Variants in IL17RB observed in about 807,000 individuals in gnomAD.
The protein encoded by IL17RB is interleukin-17 receptor B.
IL17RB carries 36 observed loss-of-function variants against 43.9 expected under a neutral mutation model. That is an observed-to-expected ratio of 0.82 (90% CI 0.63 to 1.08). The LOEUF is 1.08. IL17RB is among the 50% of genes least tolerant of loss of function. The probability of loss-of-function intolerance (pLI) is 0.00; values close to 1 mark genes in which losing one functional copy is unlikely to be tolerated. For missense variants in IL17RB, 613 were observed against 613.6 expected (o/e 1.00, Z 0.01); for synonymous variants, 225 against 225.4 (o/e 1.00, Z 0.02).
Position 53,864,890 on chromosome 3 carries a change from T to C in IL17RB, c.1091T>C (p.Ile364Thr). The change falls in exon 11 of 11, where the codon ATC (isoleucine) becomes ACC (threonine). Residue 364 changes from isoleucine (I) to threonine (T), a missense_variant. Transcript: ENST00000288167. ...FLQNHCRSEVILEKWQKKKIA... is the reference protein window; with the variant it reads ...FLQNHCRSEVTLEKWQKKKIA... Reference sequence around the variant, plus strand: ...CAAAACCATTGCAGAAGTGAGGTCATCCTTGAAAAGTGGCAGAAAAAGAAA... The same window carrying C: ...CAAAACCATTGCAGAAGTGAGGTCACCCTTGAAAAGTGGCAGAAAAAGAAA... 1 of 1,614,222 alleles carries C rather than the reference T, an allele frequency of 6.2e-7. No individual in the cohort carries two copies. Among genetic ancestry groups the C allele is most frequent in the Non-Finnish European group, 8.5e-7 (1 of 1,180,046 alleles).
rs764445863 is a variant in IL17RB, at chr3:53,860,241, A to G, written c.946+13A>G. The G allele has an allele frequency of 1.1e-5, 17 of 1,592,014 alleles. No homozygotes were observed. In the African/African-American group the frequency reaches 1.2e-4, roughly 11 times the overall value. ...ATGTGGAGGCACGGTAAGGGTTATAATTCTTTAAAGACATCCTAGTAAGGA... is the reference window on the plus strand; with the variant it reads ...ATGTGGAGGCACGGTAAGGGTTATAGTTCTTTAAAGACATCCTAGTAAGGA... On this transcript the variant is annotated intron_variant, in intron 10 of 10. Transcript: ENST00000288167.
chr3:53,846,778 C>T (rs1397444374), intron 1 of IL17RB, 130 bp downstream of exon 1: 1 of 910,606 alleles, frequency 1.1e-6, no homozygotes, highest in East Asian at 3.0e-5. Flanking sequence ...CATGCCTGCA[C>T]CCTCAGGGCA....
chr3:53,846,776 C>A, intron 1 of IL17RB, 128 bp downstream of exon 1: 1 of 940,690 alleles, frequency 1.1e-6, no homozygotes, highest in Non-Finnish European at 1.5e-6. Context: ...GGCATGCCTG[C>A]ACCCTCAGGG....
chr3:53,852,273 C>A, intron 4 of IL17RB, 147 bp downstream of exon 4: 1 of 749,428 alleles, frequency 1.3e-6, no homozygotes, highest in Non-Finnish European at 2.2e-6. Context: ...TCCCAAGCAG[C>A]TGGGACTACA....
chr3:53,863,883 T>G (rs1460255853), intron 10 of IL17RB, among the ~76,000 whole-genome samples: 2 of 149,812 alleles, frequency 1.3e-5, no homozygotes, highest in Non-Finnish European at 3.0e-5. Context: ...AGTGGAATGG[T>G]GTGATCTTGG....
intron 9 of IL17RB, chr3:53,859,027 C>T (rs542987490): frequency 6.1e-5 from 29 of 477,002 alleles, no homozygotes; most frequent in African/African-American, 5.2e-4. Flanking sequence ...TAAAACCACT[C>T]GTGACTCTTT....
chr3:53,862,837 A>C (rs1177836360), intron 10 of IL17RB, among the ~76,000 whole-genome samples: 5 of 152,216 alleles, frequency 3.3e-5, no homozygotes. Context: ...TACCATATAC[A>C]AATATTTTTA....
chr3:53,853,271 C>G (rs571878210), intron 5 of IL17RB, among the ~76,000 whole-genome samples: 1 of 152,304 alleles, frequency 6.6e-6, no homozygotes, highest in East Asian at 1.9e-4. Flanking sequence ...CTCAGCAACC[C>G]CAAGGTTGGG....
chr3:53,848,633 A>G (rs1699023405), intron 1 of IL17RB, 31 bp from the exon 2 acceptor site: 3 of 1,501,762 alleles, frequency 2.0e-6, no homozygotes, highest in South Asian at 1.1e-5. Flanking sequence ...TGCCGGCTTC[A>G]ACGTGACGCT....
At chr3:53,864,606 T>C (rs1699711422) in intron 10 of IL17RB, 140 bp from the exon 11 acceptor site, 2 of 679,198 alleles carry the variant, frequency 2.9e-6, no homozygotes, top group Non-Finnish European at 5.1e-6. Context: ...CATCAGGATG[T>C]TTTTCCTTGC....
rs1305627357 is a variant in IL17RB at position 53,846,680 on chromosome 3, T to A, written c.60+32T>A. 5 of 1,560,454 alleles carry A rather than the reference T, an allele frequency of 3.2e-6. No homozygotes were observed. The African/African-American group carries it at 6.9e-5, about 22-fold the overall frequency. On this transcript the variant is annotated intron_variant, in intron 1 of 10. Coordinates refer to ENST00000288167, the MANE Select transcript of IL17RB (RefSeq NM_018725.4). Reference sequence around the variant, plus strand: ...CCCCGCCAGCACCTCTTCCCTCATCTCCCGGCCCTCGAGCCCAGATCCTGA... The same window carrying A: ...CCCCGCCAGCACCTCTTCCCTCATCACCCGGCCCTCGAGCCCAGATCCTGA...
Position 53,852,063 on chromosome 3 carries a change from C to G in IL17RB, c.291C>G (p.Tyr97Ter). The G allele has an allele frequency of 6.2e-7, 1 of 1,614,170 alleles. No homozygotes were observed. Among genetic ancestry groups the G allele is most frequent in the Non-Finnish European group, 8.5e-7 (1 of 1,180,036 alleles). ...CVTGKSNFQS[Y>*]SCVRCNYTEA... is the part of the protein sequence containing the mutation. The stretch of plus-strand genomic sequence containing the variant: ...CGGGCAAAAGCAACTTCCAGTCCTA[C>G]AGCTGTGTGAGGTGCAATTACACAG... The change falls in exon 4 of 11, where the codon TAC becomes TAG. Residue 97 changes from tyrosine to a stop codon, truncating the protein, a stop_gained. Transcript: ENST00000288167. LOFTEE classifies it high-confidence loss of function.
intron 9 of IL17RB, chr3:53,859,746 C>T: frequency 6.3e-6 from 1 of 158,498 alleles, no homozygotes. Flanking sequence ...TCCTGGGTCC[C>T]ATATCCCTTT....
rs1699373713 is a variant in IL17RB at position 53,857,294 on chromosome 3, G to A, written c.672+308G>A. On this transcript the variant is annotated intron_variant, in intron 7 of 10. Transcript: ENST00000288167. Reference sequence around the variant, plus strand: ...CTCCTGTGCCTCATAATTTTTGGGGGGCGGAGGTTGACACAGGGTCTCACT... The same window carrying A: ...CTCCTGTGCCTCATAATTTTTGGGGAGCGGAGGTTGACACAGGGTCTCACT... 2.0e-5 allele frequency among the ~76,000 whole-genome samples: 3 copies of A among 152,114 alleles called. 1 individual carries two copies. The highest frequency in any genetic ancestry group is 2.0e-4 in the Admixed American group (3 of 15,274).
chr3:53,856,947 C>A lies in IL17RB; in HGVS notation c.633C>A (p.Ile211=), dbSNP rs1321354148. ...TPLGNRYMAL[I]QHSTIIGFSQ... ...TGGGAAACAGATACATGGCTCTTAT[C>A]CAACACAGCACTATCATCGGGTTTT... The change falls in exon 7 of 11, where the codon ATC becomes ATA. Residue 211 remains isoleucine, a synonymous_variant. Coordinates refer to ENST00000288167, the MANE Select transcript of IL17RB (RefSeq NM_018725.4). 1 of 1,613,988 alleles carries A rather than the reference C, an allele frequency of 6.2e-7. No homozygotes were observed. Among genetic ancestry groups the A allele is most frequent in the Non-Finnish European group, 8.5e-7 (1 of 1,180,004 alleles).
intron 5 of IL17RB, among the ~76,000 whole-genome samples, chr3:53,854,335 G>A (rs188537325): frequency 9.2e-5 from 14 of 152,292 alleles, no homozygotes; most frequent in Middle Eastern, 3.4e-3. Flanking sequence ...ACATTAGTAC[G>A]TGTCTGTTAA....
In IL17RB at chr3:53,860,123, T is replaced by C. The variant is rs1559782006; in HGVS notation, c.848-7T>C. 6.2e-7 allele frequency: 1 copy of C among 1,611,414 alleles called. No homozygotes were observed. Among genetic ancestry groups the C allele is most frequent in the Non-Finnish European group, 8.5e-7 (1 of 1,178,270 alleles). Reference sequence around the variant, plus strand: ...TTCCAAAGGTGAATAAGCTTTGTTTTTTCCAGACAAAAGCAAGCCGGGAGG... The same window carrying C: ...TTCCAAAGGTGAATAAGCTTTGTTTCTTCCAGACAAAAGCAAGCCGGGAGG... On this transcript the variant is annotated splice_region_variant and splice_polypyrimidine_tract_variant and intron_variant, in intron 9 of 10. Transcript: ENST00000288167.
Position 53,865,183 on chromosome 3 carries a change from G to C in IL17RB, c.1384G>C (p.Val462Leu), listed in dbSNP as rs768460032. ...AAAAGACGATTACAATGCTCTCAGTGTCTGCCCCAAGTACCACCTCATGAA... is the reference window on the plus strand; with the variant it reads ...AAAAGACGATTACAATGCTCTCAGTCTCTGCCCCAAGTACCACCTCATGAA... The part of the protein sequence containing the change: ...DTKDDYNALS[V>L]CPKYHLMKDA... The change falls in exon 11 of 11, where the codon GTC (valine) becomes CTC (leucine). Residue 462 changes from valine (V) to leucine (L), a missense_variant. Physicochemically the swap from Val to Leu is conservative, Grantham distance 32. Transcript: ENST00000288167. 6.2e-6 allele frequency: 10 copies of C among 1,614,152 alleles called. No homozygotes were observed. Among genetic ancestry groups the C allele is most frequent in the Non-Finnish European group, 8.5e-6 (10 of 1,180,032 alleles).
chr3:53,848,625 C>T, intron 1 of IL17RB, 39 bp from the exon 2 acceptor site: 1 of 1,565,246 alleles, frequency 6.4e-7, no homozygotes, highest in Admixed American at 1.8e-5. Context: ...TTGTGGTTTG[C>T]CGGCTTCAAC....
Sources: gnomAD v4.1 joint callset for allele counts (sites outside exome capture counted in the v4.1 genomes callset) on GRCh38, gnomAD v4.1.1 for gene constraint, MANE v1.5 for transcripts, NCBI Gene and HGNC (gene_info 2026-07-23, HGNC 2026-07-21) for gene names.